TRIO: variants seen among roughly 807,000 people sequenced by gnomAD.
The protein encoded by TRIO is trio Rho guanine nucleotide exchange factor, also known as triple functional domain protein.
Under a neutral mutation model 351.9 loss-of-function variants are expected in TRIO, and 58 were observed. The observed-to-expected ratio is 0.16, with a 90% CI of 0.13 to 0.21. The LOEUF is 0.21. Ranked by LOEUF, TRIO falls within the 10% of genes least tolerant of loss-of-function variation. The pLI, the probability that TRIO is intolerant of heterozygous loss-of-function variation, is 1.00. For missense variants in TRIO, 3,201 were observed against 4,027.8 expected (o/e 0.79, Z 5.56); for synonymous variants, 1,758 against 1,595.7 (o/e 1.10, Z -2.42).
intron 4 of TRIO, among the ~76,000 whole-genome samples, chr5:14,289,529 C>G (rs1010444187): frequency 1.1e-4 from 16 of 150,434 alleles, no homozygotes; most frequent in Non-Finnish European, 1.9e-4. Context: ...GTCTGGAAGA[C>G]AGAGCATGAC....
At chr5:14,474,787 C>G (rs934680697) in intron 40 of TRIO, among the ~76,000 whole-genome samples, 1 of 152,130 alleles carries the variant, frequency 6.6e-6, no homozygotes, top group Non-Finnish European at 1.5e-5. Flanking sequence ...CTCAGCATCT[C>G]TCAGCATCTC....
intron 5 of TRIO, 102 bp from the exon 6 acceptor site, chr5:14,292,910 A>G (rs1217189245): frequency 6.5e-7 from 1 of 1,530,700 alleles, no homozygotes; most frequent in Non-Finnish European, 8.9e-7. Context: ...GAAGTTGTCC[A>G]GGGAAGGAAG....
intron 18 of TRIO, among the ~76,000 whole-genome samples, chr5:14,370,761 C>T (rs1745037221): frequency 6.6e-6 from 1 of 152,164 alleles, no homozygotes; most frequent in Admixed American, 6.5e-5. Flanking sequence ...GCCCCTGCCC[C>T]CAACATGTCC....
chr5:14,504,656 G>C (rs746044947), intron 55 of TRIO, 63 bp downstream of exon 55: 7 of 1,547,454 alleles, frequency 4.5e-6, no homozygotes, highest in Non-Finnish European at 6.2e-6. Context: ...GGGTTTTGTT[G>C]TTCCTGTTTG....
At chr5:14,179,812 CT>C in intron 1 of TRIO, among the ~76,000 whole-genome samples, 1 of 152,242 alleles carries the variant, frequency 6.6e-6, no homozygotes, top group Non-Finnish European at 1.5e-5. Context: ...GATTAACTGT[CT>C]GGGCATGGTG....
At chr5:14,400,910 C>G (rs766373490) in intron 30 of TRIO, 53 bp from the exon 31 acceptor site, 54 of 1,555,368 alleles carry the variant, frequency 3.5e-5, no homozygotes, top group Non-Finnish European at 4.7e-5. Context: ...CTCTGTTCTG[C>G]ATCCTTCTAG....
intron 1 of TRIO, among the ~76,000 whole-genome samples, chr5:14,259,023 G>C (rs1055059707): frequency 1.3e-5 from 2 of 152,186 alleles, no homozygotes; most frequent in African/African-American, 4.8e-5. Flanking sequence ...GACGCCACCA[G>C]GCCACAAGTG....
At chr5:14,162,598 TC>T (rs1241031452) in intron 1 of TRIO, among the ~76,000 whole-genome samples, 3 of 152,194 alleles carry the variant, frequency 2.0e-5, no homozygotes, top group East Asian at 1.9e-4. Flanking sequence ...TCCCCTCAGT[TC>T]CCTGGATATA....
intron 23 of TRIO, among the ~76,000 whole-genome samples, 199 bp from the exon 24 acceptor site, chr5:14,388,414 A>T (rs146302861): frequency 1.2e-3 from 180 of 152,336 alleles, no homozygotes; most frequent in African/African-American, 3.8e-3. Context: ...TCGGTACCTC[A>T]GTAAAGTGTG....
At position 14,504,525 on chromosome 5, in the gene TRIO, G is replaced by A. The variant is rs1757525759; in HGVS notation, c.8544G>A (p.Gln2848=). The A allele has an allele frequency of 3.1e-6, 5 of 1,614,114 alleles. No individual in the cohort carries two copies. The highest frequency in any genetic ancestry group is 3.4e-6 in the Non-Finnish European group (4 of 1,180,010). The change falls in exon 55 of 57, where the codon CAG becomes CAA. Residue 2848 remains glutamine (Q), a synonymous_variant. Transcript: ENST00000344204. Reference sequence around the variant, plus strand: ...AGCTTGGCATCCTGCAGAGCCTCCAGCACCCCCTGCTTGTCGGCCTCCTCG... The same window carrying A: ...AGCTTGGCATCCTGCAGAGCCTCCAACACCCCCTGCTTGTCGGCCTCCTCG... The part of the protein sequence containing the change: ...THELGILQSL[Q]HPLLVGLLDT...
At chr5:14,507,629 C>T (rs1757799845) in intron 56 of TRIO, among the ~76,000 whole-genome samples, 1 of 152,108 alleles carries the variant, frequency 6.6e-6, no homozygotes, top group Admixed American at 6.5e-5. Context: ...AGCCTGGTTT[C>T]ATTAGGCTAC....
chr5:14,410,472 T>A (rs1283951932), intron 33 of TRIO, among the ~76,000 whole-genome samples: 1 of 152,242 alleles, frequency 6.6e-6, no homozygotes, highest in South Asian at 2.1e-4. Context: ...CCATCTCCGG[T>A]GACGGTAATT....
Position 14,183,827 on chromosome 5 carries a change from T to C in TRIO, c.157+39945T>C, listed in dbSNP as rs1180933402. Reference sequence around the variant, plus strand: ...GGGATATCTAGAGGTTGTTTGTTGGTGTTCTGGGATCCTGAGGGACACTGC... The same window carrying C: ...GGGATATCTAGAGGTTGTTTGTTGGCGTTCTGGGATCCTGAGGGACACTGC... On this transcript the variant is annotated intron_variant, in intron 1 of 56. Coordinates refer to ENST00000344204, the MANE Select transcript of TRIO (RefSeq NM_007118.4). 112 of 640,922 alleles carry C rather than the reference T, an allele frequency of 1.7e-4. No homozygotes were observed. The East Asian group carries it at 3.3e-3, about 19-fold the overall frequency. 39.7% of individuals were successfully genotyped at this position (640,922 alleles called of 1,614,324 possible).
intron 1 of TRIO, among the ~76,000 whole-genome samples, chr5:14,236,577 A>G (rs1026739357): frequency 6.6e-6 from 1 of 152,200 alleles, no homozygotes; most frequent in Non-Finnish European, 1.5e-5. Flanking sequence ...AGAAGTAATC[A>G]TACCTTATCT....
intron 56 of TRIO, among the ~76,000 whole-genome samples, 183 bp downstream of exon 56, chr5:14,507,443 A>C (rs1713662163): frequency 6.6e-6 from 1 of 152,212 alleles, no homozygotes; most frequent in African/African-American, 2.4e-5. Flanking sequence ...TCAGTGATGC[A>C]CACGGTCAGG....
Position 14,320,055 on chromosome 5 carries a change from G to T in TRIO, c.1731+3312G>T, listed in dbSNP as rs558422912. On this transcript the variant is annotated intron_variant, in intron 9 of 56. Coordinates refer to ENST00000344204, the MANE Select transcript of TRIO (RefSeq NM_007118.4). ...AGGACTTTCCCAGATGCACATGCTGGCTGCCTTTGCCATTGTTCACTTAAA... is the reference window on the plus strand; with the variant it reads ...AGGACTTTCCCAGATGCACATGCTGTCTGCCTTTGCCATTGTTCACTTAAA... Among the ~76,000 whole-genome samples the T allele has an allele frequency of 3.3e-5, 5 of 152,226 alleles. No homozygotes were observed. The East Asian group carries it at 9.7e-4, about 29-fold the overall frequency.
At chr5:14,397,205 C>A in intron 29 of TRIO, 51 bp downstream of exon 29, 1 of 1,435,494 alleles carries the variant, frequency 7.0e-7, no homozygotes. Flanking sequence ...TCTAATGACA[C>A]TGTTTGTAAA....
intron 1 of TRIO, among the ~76,000 whole-genome samples, chr5:14,156,328 A>ACT (rs1362863967): frequency 1.3e-5 from 2 of 152,184 alleles, no homozygotes; most frequent in African/African-American, 4.8e-5. Context: ...GGTATTTAGA[A>ACT]ACACGATCTA....
chr5:14,283,093 A>C (rs1736144274), intron 3 of TRIO, among the ~76,000 whole-genome samples: 1 of 152,174 alleles, frequency 6.6e-6, no homozygotes, highest in Admixed American at 6.5e-5. Flanking sequence ...TGTGATACAG[A>C]TTTCACCAAT....
Sources: gnomAD v4.1 joint callset for allele counts (sites outside exome capture counted in the v4.1 genomes callset) on GRCh38, gnomAD v4.1.1 for gene constraint, MANE v1.5 for transcripts, NCBI Gene and HGNC (gene_info 2026-07-23, HGNC 2026-07-21) for gene names.